Variants in CP observed in about 807,000 individuals in gnomAD.
CP encodes the protein ceruloplasmin.
In CP, 64 loss-of-function variants were observed where a neutral mutation model predicts 122.4. The observed-to-expected ratio is 0.52, with a 90% CI of 0.43 to 0.64. The LOEUF is 0.64. CP is among the 30% of genes least tolerant of loss of function. The pLI is 0.00. For synonymous variants in CP, 440 were observed against 436.4 expected, an observed-to-expected ratio of 1.01 and a Z score of -0.10; for missense variants, 1,167 against 1,284.4, an observed-to-expected ratio of 0.91 and a Z score of 1.40.
At chr3:149,163,907 T>C (rs1316587168) in intron 5 of CP, 1 of 1,578,776 alleles carries the variant, frequency 6.3e-7, no homozygotes, top group East Asian at 2.2e-5. Context: ...CATCTGATTC[T>C]TTAGCTGATA....
chr3:149,202,310 G>A, intron 6 of CP, 69 bp from the exon 7 acceptor site: 1 of 1,600,490 alleles, frequency 6.2e-7, no homozygotes. Context: ...CACTTAAGGT[G>A]CTAATTGAAG....
At chr3:149,206,017 C>G (rs1244026180) in intron 6 of CP, 151 bp downstream of exon 6, 7 of 729,842 alleles carry the variant, frequency 9.6e-6, no homozygotes, top group Admixed American at 2.7e-5. Flanking sequence ...CAAGCTCAGA[C>G]TCTTACATCA....
intron 9 of CP, among the ~76,000 whole-genome samples, chr3:149,191,685 T>C (rs1203807216): frequency 6.6e-6 from 1 of 152,048 alleles, no homozygotes; most frequent in Non-Finnish European, 1.5e-5. Flanking sequence ...TTATAGATAA[T>C]ATAGAACCTA....
chr3:149,207,012 T>C (rs989486958), intron 5 of CP, among the ~76,000 whole-genome samples: 1 of 152,154 alleles, frequency 6.6e-6, no homozygotes, highest in African/African-American at 2.4e-5. Context: ...CAAAGTTAAT[T>C]ATACTTGACA....
At chr3:149,212,841 A>T in intron 1 of CP, 143 bp from the exon 2 acceptor site, 1 of 973,122 alleles carries the variant, frequency 1.0e-6, no homozygotes, top group Admixed American at 2.5e-5. Context: ...TGCCTCCAAA[A>T]TTGAAGTGGA....
intron 18 of CP, among the ~76,000 whole-genome samples, chr3:149,174,269 C>T (rs1725259548): frequency 6.6e-6 from 1 of 152,172 alleles, no homozygotes; most frequent in Non-Finnish European, 1.5e-5. Flanking sequence ...CTGTAAAGAA[C>T]ATGATTAGGA....
At chr3:149,163,876 C>A in intron 5 of CP, 1 of 1,582,352 alleles carries the variant, frequency 6.3e-7, no homozygotes, top group Non-Finnish European at 8.7e-7. Flanking sequence ...TTAATTTATC[C>A]ATGGGTTCAC....
chr3:149,207,926 C>T (rs1224834401), intron 4 of CP, among the ~76,000 whole-genome samples: 2 of 151,856 alleles, frequency 1.3e-5, no homozygotes, highest in Non-Finnish European at 2.9e-5. Flanking sequence ...CAGAGGTGTG[C>T]ATATATACAT....
rs954881112 is a variant in CP at position 149,208,569 on chromosome 3, C to T, written c.781+642G>A. On this transcript the variant is annotated intron_variant, in intron 4 of 18. Transcript: ENST00000264613. The stretch of plus-strand genomic sequence containing the variant: ...TTATTTTGAAGAAGTTAAACACAAA[C>T]AAATAAACGAAAATATCTACTTATT... 2.6e-5 allele frequency among the ~76,000 whole-genome samples: 4 copies of T among 152,204 alleles called. No homozygotes were observed. In the East Asian group the frequency reaches 7.7e-4, roughly 29 times the overall value.
chr3:149,187,781 A>C (rs1292225989), intron 10 of CP: 1 of 402,810 alleles, frequency 2.5e-6, no homozygotes, highest in Non-Finnish European at 4.6e-6. Context: ...AAGAATTTGC[A>C]TTTCTAAGTC....
At chr3:149,195,617 T>C (rs1447849061) in intron 9 of CP, among the ~76,000 whole-genome samples, 2 of 152,104 alleles carry the variant, frequency 1.3e-5, no homozygotes, top group African/African-American at 2.4e-5. Context: ...TATTTAAAAA[T>C]GGAAGAATAG....
rs1389278538 is a variant in CP at position 149,177,888 on chromosome 3, T to G, written c.2970A>C (p.Glu990Asp). 6.2e-7 allele frequency: 1 copy of G among 1,613,890 alleles called. No homozygotes were observed. The highest frequency in any genetic ancestry group is 1.7e-5 in the Admixed American group (1 of 60,018). ...VNWYLMGMGN[E>D]IDLHTVHFHG... ...GAAAATGTACAGTGTGTAAGTCTAT[T>G]TCATTGCCCATTCCCATCAGATACC... is the stretch of plus-strand genomic sequence containing the variant. Residue 990 changes from glutamate (E) to aspartate (D), a missense_variant, in exon 17 of 19, where the codon GAA (glutamate) becomes GAC (aspartate). Glu to Asp is a conservative substitution (Grantham distance 45). This residue lies in a region of CP where 525 missense variants were observed against 657.2 expected (regional missense o/e 0.80). Transcript: ENST00000264613.
intron 1 of CP, among the ~76,000 whole-genome samples, chr3:149,218,416 G>A (rs1407860756): frequency 6.6e-6 from 1 of 152,158 alleles, no homozygotes; most frequent in Non-Finnish European, 1.5e-5. Flanking sequence ...GCAGTACTGA[G>A]TATAAGGAAA....
intron 9 of CP, among the ~76,000 whole-genome samples, chr3:149,195,687 A>T (rs1457494474): frequency 1.3e-5 from 2 of 152,016 alleles, no homozygotes; most frequent in African/African-American, 4.8e-5. Flanking sequence ...ACACGGTGAA[A>T]CCCGTCTCTA....
chr3:149,162,706 A>T (rs1723996326), exon 6 of CP: 1 of 1,613,976 alleles, frequency 6.2e-7, no homozygotes. Context: ...TGTGCTAAGG[A>T]TGAAGATACA....
chr3:149,186,643 C>A lies in CP; in HGVS notation c.1954G>T (p.Glu652Ter), dbSNP rs141425435. Reference sequence around the variant, plus strand: ...AAGTATATTCCATGTACATCGGCCTCATTTCCGGCGCTGAATAAGTACCAC... The same window carrying A: ...AAGTATATTCCATGTACATCGGCCTAATTTCCGGCGCTGAATAAGTACCAC... ...VVWYLFSAGN[E>*]ADVHGIYFSG... Residue 652 changes from glutamate to a stop codon, truncating the protein, a stop_gained, in exon 11 of 19, where the codon GAG becomes TAG. Coordinates refer to ENST00000264613, the MANE Select transcript of CP (RefSeq NM_000096.4). LOFTEE classifies it high-confidence loss of function. The A allele has an allele frequency of 6.2e-7, 1 of 1,614,080 alleles. No homozygotes were observed. Among genetic ancestry groups the A allele is most frequent in the East Asian group, 2.2e-5 (1 of 44,904 alleles).
At chr3:149,197,131 A>C (rs1411148046) in intron 9 of CP, among the ~76,000 whole-genome samples, 5 of 151,452 alleles carry the variant, frequency 3.3e-5, no homozygotes, top group Non-Finnish European at 7.4e-5. Flanking sequence ...ATCCTATAAA[A>C]CGGCCCCACA....
At chr3:149,164,174 A>G (rs1021438069) in intron 5 of CP, among the ~76,000 whole-genome samples, 1 of 152,126 alleles carries the variant, frequency 6.6e-6, no homozygotes, top group Non-Finnish European at 1.5e-5. Flanking sequence ...TTGTAGGTGG[A>G]TGAACGAACT....
chr3:149,200,677 C>T (rs1727240381), intron 7 of CP, among the ~76,000 whole-genome samples: 1 of 142,302 alleles, frequency 7.0e-6, no homozygotes, highest in Non-Finnish European at 1.5e-5. Context: ...CATTTTTGTA[C>T]TTTTTTTTTT....
Sources: gnomAD v4.1 joint callset for allele counts (sites outside exome capture counted in the v4.1 genomes callset) on GRCh38, gnomAD v4.1.1 for gene constraint, gnomAD v4.1.1 regional missense constraint, MANE v1.5 for transcripts, NCBI Gene and HGNC (gene_info 2026-07-23, HGNC 2026-07-21) for gene names.